Variants in ATP2B2 observed in about 807,000 individuals in gnomAD.
ATP2B2 encodes ATPase plasma membrane Ca2+ transporting 2.
In ATP2B2, 15 loss-of-function variants were observed where a neutral mutation model predicts 120.0. The observed-to-expected ratio is 0.12, with a 90% confidence interval of 0.08 to 0.19. The LOEUF (loss-of-function observed/expected upper bound fraction) is 0.19, where lower values mean the gene tolerates loss of function less well. ATP2B2 is among the 10% of genes least tolerant of loss of function. The probability of loss-of-function intolerance (pLI) is 1.00; values close to 1 mark genes in which losing one functional copy is unlikely to be tolerated. For synonymous variants in ATP2B2, 694 were observed against 700.3 expected (o/e 0.99, Z 0.14); for missense variants, 1,045 against 1,719.8 (o/e 0.61, Z 6.94).
chr3:10,333,792 G>A (rs923335064), intron 22 of ATP2B2, among the ~76,000 whole-genome samples: 3 of 152,198 alleles, frequency 2.0e-5, no homozygotes, highest in Admixed American at 6.5e-5. Context: ...ACCCTGCCGG[G>A]TCCCCTGAGA....
At chr3:10,484,181 G>A (rs2065531997) in intron 1 of ATP2B2, among the ~76,000 whole-genome samples, 1 of 152,184 alleles carries the variant, frequency 6.6e-6, no homozygotes, top group South Asian at 2.1e-4. Context: ...ATGAGTCCAG[G>A]AGGGGTGCAG....
intron 2 of ATP2B2, among the ~76,000 whole-genome samples, chr3:10,587,055 A>G (rs993605343): frequency 6.6e-6 from 1 of 152,220 alleles, no homozygotes; most frequent in Non-Finnish European, 1.5e-5. Flanking sequence ...GTACTTTGGG[A>G]TGCCAAGGCA....
In ATP2B2 at chr3:10,347,935, C is replaced by T. The variant is rs17032702; in HGVS notation, c.2405-1798G>A. ...CAACTATTTCCACCATGGACCACAC[C>T]TTCCTCCTCCACAGGCCTCCTTCCT... is the stretch of plus-strand genomic sequence containing the variant. On this transcript the variant is annotated intron_variant, in intron 16 of 22. Coordinates refer to ENST00000360273, the MANE Select transcript of ATP2B2 (RefSeq NM_001001331.4). This position sits in a 1 kb window ranked among gnomAD's most constrained non-coding sequence, Gnocchi z 5.2. 0.033 allele frequency among the ~76,000 whole-genome samples: 5,048 copies of T among 152,112 alleles called. 222 individuals carry two copies. Among genetic ancestry groups the T allele is most frequent in the African/African-American group, 0.1 (4,137 of 41,466 alleles).
chr3:10,482,682 G>A (rs562357703), intron 1 of ATP2B2, among the ~76,000 whole-genome samples: 8 of 152,284 alleles, frequency 5.3e-5, no homozygotes, highest in East Asian at 1.9e-4. Context: ...CTGAGGCCTC[G>A]CCAGTCACAG....
chr3:10,689,737 A>T lies in ATP2B2; in HGVS notation c.-460+18178T>A, dbSNP rs144246580. On this transcript the variant is annotated intron_variant, in intron 1 of 21. Coordinates refer to the ATP2B2 transcript ENST00000646379. ...CCCTGGCCTCGTTTGGTTGCCGGGA[A>T]ACCACTCAGATGCTGTACTCCAGCA... Among the ~76,000 whole-genome samples, 419 of 152,276 alleles carry T rather than the reference A, an allele frequency of 2.8e-3. 2 individuals are homozygous for T. Among genetic ancestry groups the T allele is most frequent in the African/African-American group, 9.4e-3 (392 of 41,562 alleles).
chr3:10,463,086 T>A (rs557586150), intron 1 of ATP2B2, among the ~76,000 whole-genome samples: 1 of 152,358 alleles, frequency 6.6e-6, no homozygotes, highest in Admixed American at 6.5e-5. Context: ...CTAGTCCTCA[T>A]GCCAACTTCT....
At chr3:10,516,961 GAT>G (rs1491542750) in intron 3 of ATP2B2, among the ~76,000 whole-genome samples, 4 of 144,878 alleles carry the variant, frequency 2.8e-5, no homozygotes, top group Admixed American at 6.9e-5. Context: ...ACAATTTTCA[GAT>G]GTGTGTGTGT....
chr3:10,700,426 A>G (rs2071800145), intron 1 of ATP2B2, among the ~76,000 whole-genome samples: 1 of 152,180 alleles, frequency 6.6e-6, no homozygotes, highest in African/African-American at 2.4e-5. Context: ...AGATGTGCAA[A>G]CAAGTGTCCC....
At chr3:10,381,130 C>G (rs1000099161) in intron 8 of ATP2B2, among the ~76,000 whole-genome samples, 1 of 152,222 alleles carries the variant, frequency 6.6e-6, no homozygotes, top group South Asian at 2.1e-4. Flanking sequence ...CCCCGAACCT[C>G]GCCCAGCACT....
At chr3:10,425,146 G>A (rs1962823) in intron 2 of ATP2B2, among the ~76,000 whole-genome samples, 9 of 132,240 alleles carry the variant, frequency 6.8e-5, no homozygotes, top group African/African-American at 8.3e-5. Context: ...ATATATATAC[G>A]TATATATATA....
Position 10,326,500 on chromosome 3 carries a change from G to A in ATP2B2, c.*2314C>T, listed in dbSNP as rs1431784944. 5.6e-5 allele frequency: 22 copies of A among 390,586 alleles called. No homozygotes were observed. In the Admixed American group the frequency reaches 9.4e-4, roughly 17 times the overall value. 24.2% of individuals were successfully genotyped at this position (390,586 alleles called of 1,614,324 possible). A position where few individuals can be genotyped will look rare whatever the true frequency, so the allele number is the denominator to read the frequency against. ...CACGGACACATGACTGATCAAAGAA[G>A]TGGGGAGATGGAAAACTGTGAGAAA... On this transcript the variant is annotated 3_prime_UTR_variant, in exon 23 of 23. Transcript: ENST00000360273.
At chr3:10,583,361 A>T (rs907705881) in intron 2 of ATP2B2, among the ~76,000 whole-genome samples, 1 of 152,200 alleles carries the variant, frequency 6.6e-6, no homozygotes, top group Admixed American at 6.5e-5. Context: ...CCAACTCCCA[A>T]TAAAGTGCCT....
chr3:10,676,840 A>G (rs113847330), intron 1 of ATP2B2, among the ~76,000 whole-genome samples: 12 of 152,370 alleles, frequency 7.9e-5, no homozygotes, highest in South Asian at 6.2e-4. Context: ...GCGGAAGGTG[A>G]TTCAGCCATT....
At chr3:10,562,158 T>C (rs540653740) in intron 2 of ATP2B2, among the ~76,000 whole-genome samples, 202 of 152,290 alleles carry the variant, frequency 1.3e-3, no homozygotes, top group African/African-American at 4.4e-3. Flanking sequence ...GTGATTCTCT[T>C]GAGTGCCATG....
At chr3:10,492,209 C>T (rs1432359867) in intron 1 of ATP2B2, among the ~76,000 whole-genome samples, 4 of 147,446 alleles carry the variant, frequency 2.7e-5, no homozygotes, top group South Asian at 2.1e-4. Context: ...CTGGCTTCTC[C>T]GGGGTGCTCT....
intron 2 of ATP2B2, among the ~76,000 whole-genome samples, chr3:10,576,803 G>C (rs537639963): frequency 5.1e-4 from 78 of 152,154 alleles, no homozygotes; most frequent in Non-Finnish European, 1.0e-3. Context: ...GGTGGCTCAC[G>C]TCTGTAATCC....
At position 10,328,660 on chromosome 3, in the gene ATP2B2, T is replaced by C. The variant is rs1035508630; in HGVS notation, c.*154A>G. Reference sequence around the variant, plus strand: ...CAGCATCGCAGCCAGAGAAAGGGTCTGTGGGTGGAAACGTTGGTTTTCTCT... The same window carrying C: ...CAGCATCGCAGCCAGAGAAAGGGTCCGTGGGTGGAAACGTTGGTTTTCTCT... On this transcript the variant is annotated 3_prime_UTR_variant, in exon 23 of 23. Coordinates refer to ENST00000360273, the MANE Select transcript of ATP2B2 (RefSeq NM_001001331.4). The C allele has an allele frequency of 1.3e-6, 1 of 744,196 alleles. No individual in the cohort carries two copies. The highest frequency in any genetic ancestry group is 2.1e-6 in the Non-Finnish European group (1 of 467,254). 46.1% of individuals were successfully genotyped at this position (744,196 alleles called of 1,614,324 possible). A position where few individuals can be genotyped will look rare whatever the true frequency, so the allele number is the denominator to read the frequency against.
intron 1 of ATP2B2, among the ~76,000 whole-genome samples, chr3:10,666,298 C>T (rs2070931706): frequency 6.6e-6 from 1 of 152,198 alleles, no homozygotes; most frequent in African/African-American, 2.4e-5. Context: ...CGGGCAGCAA[C>T]TGTTTCCTTC....
chr3:10,433,326 A>C (rs901506734), intron 2 of ATP2B2, among the ~76,000 whole-genome samples: 2 of 151,958 alleles, frequency 1.3e-5, no homozygotes, highest in African/African-American at 4.8e-5. Flanking sequence ...TCTTTACTGG[A>C]CACTCAGTGG....
Sources: gnomAD v4.1 joint callset for allele counts (sites outside exome capture counted in the v4.1 genomes callset) on GRCh38, gnomAD v4.1.1 for gene constraint, Gnocchi (gnomAD v3.1) non-coding constraint, MANE v1.5 for transcripts, NCBI Gene and HGNC (gene_info 2026-07-23, HGNC 2026-07-21) for gene names.